The following GABRG3 variants were observed in gnomAD, a reference collection of about 807,000 sequenced individuals.
GABRG3 encodes the protein gamma-aminobutyric acid receptor subunit gamma-3.
In GABRG3, 25 loss-of-function variants were observed where a neutral mutation model predicts 48.8. The observed-to-expected ratio is 0.51, with a 90% CI of 0.37 to 0.72. The LOEUF (loss-of-function observed/expected upper bound fraction) is 0.72. Among genes scored for constraint, GABRG3 ranks in the 30% least tolerant of loss-of-function variants. The pLI is 0.00. For synonymous variants in GABRG3, 227 were observed against 217.6 expected (o/e 1.04, Z -0.38); for missense variants, 394 against 577.9 (o/e 0.68, Z 3.26).
intron 3 of GABRG3, among the ~76,000 whole-genome samples, chr15:27,198,872 A>G (rs558111033): frequency 3.7e-4 from 56 of 152,278 alleles, no homozygotes; most frequent in African/African-American, 1.3e-3. Flanking sequence ...GGAAACCATC[A>G]TTCTCAGCAA....
chr15:27,067,196 G>A (rs1896752601), intron 3 of GABRG3, among the ~76,000 whole-genome samples: 1 of 152,104 alleles, frequency 6.6e-6, no homozygotes, highest in Admixed American at 6.5e-5. Flanking sequence ...GTGAAGACGT[G>A]GCACTCCAGG....
intron 3 of GABRG3, among the ~76,000 whole-genome samples, chr15:27,272,747 T>C (rs1891130578): frequency 6.6e-6 from 1 of 152,160 alleles, no homozygotes; most frequent in African/African-American, 2.4e-5. Context: ...GCTTGTTTTA[T>C]TTTTTTCCTT....
At chr15:27,112,355 A>G (rs903541152) in intron 3 of GABRG3, among the ~76,000 whole-genome samples, 7 of 151,872 alleles carry the variant, frequency 4.6e-5, no homozygotes, top group Non-Finnish European at 4.4e-5. Flanking sequence ...CTCTCAATAT[A>G]TGTATGCGCA....
intron 3 of GABRG3, among the ~76,000 whole-genome samples, chr15:27,036,362 C>A (rs1170612662): frequency 6.6e-6 from 1 of 152,108 alleles, no homozygotes; most frequent in Non-Finnish European, 1.5e-5. Flanking sequence ...GAAGCCTATG[C>A]AAGGTAGTAA....
intron 3 of GABRG3, among the ~76,000 whole-genome samples, chr15:27,034,131 A>G (rs1244274453): frequency 1.3e-5 from 2 of 152,152 alleles, no homozygotes; most frequent in East Asian, 1.9e-4. Context: ...TACACAACTT[A>G]CCCTGTATGA....
intron 3 of GABRG3, among the ~76,000 whole-genome samples, chr15:27,233,563 A>G (rs1283586163): frequency 6.6e-6 from 1 of 152,030 alleles, no homozygotes; most frequent in African/African-American, 2.4e-5. Context: ...TCCTCTCTTC[A>G]TGAGGCACTA....
At chr15:27,240,254 C>A (rs1013207128) in intron 3 of GABRG3, among the ~76,000 whole-genome samples, 1 of 152,092 alleles carries the variant, frequency 6.6e-6, no homozygotes, top group Non-Finnish European at 1.5e-5. Flanking sequence ...GTGAAAGCAG[C>A]AGGTGTGGTC....
chr15:27,310,623 A>G (rs1595667680), intron 3 of GABRG3, among the ~76,000 whole-genome samples: 1 of 152,174 alleles, frequency 6.6e-6, no homozygotes, highest in Non-Finnish European at 1.5e-5. Flanking sequence ...AAAACTTACA[A>G]CCTGATCCTA....
At chr15:27,195,512 A>G (rs1220334709) in intron 3 of GABRG3, among the ~76,000 whole-genome samples, 1 of 151,504 alleles carries the variant, frequency 6.6e-6, no homozygotes, top group African/African-American at 2.4e-5. Flanking sequence ...TTGTATTTTT[A>G]GTAGAGACAG....
chr15:27,434,920 A>C (rs75592070), intron 5 of GABRG3, among the ~76,000 whole-genome samples: 382 of 152,258 alleles, frequency 2.5e-3, no homozygotes, highest in African/African-American at 8.9e-3. Flanking sequence ...CATTTACTTC[A>C]GTTTCCTTCC....
intron 5 of GABRG3, among the ~76,000 whole-genome samples, chr15:27,415,479 T>A (rs1295205586): frequency 6.6e-6 from 1 of 152,122 alleles, no homozygotes; most frequent in African/African-American, 2.4e-5. Context: ...ATATTCATCA[T>A]TGTAGTTTTA....
At chr15:27,156,096 G>A (rs541206465) in intron 3 of GABRG3, among the ~76,000 whole-genome samples, 1 of 151,946 alleles carries the variant, frequency 6.6e-6, no homozygotes, top group East Asian at 1.9e-4. Flanking sequence ...TCAAGAGATC[G>A]AGACCATCCT....
intron 6 of GABRG3, among the ~76,000 whole-genome samples, chr15:27,487,978 C>T (rs1331574601): frequency 1.3e-5 from 2 of 152,128 alleles, no homozygotes; most frequent in Non-Finnish European, 2.9e-5. Flanking sequence ...TCATGAAATG[C>T]GAGGGCGAGC....
intron 5 of GABRG3, among the ~76,000 whole-genome samples, chr15:27,367,626 A>C (rs934671390): frequency 1.3e-5 from 2 of 152,204 alleles, no homozygotes; most frequent in Non-Finnish European, 2.9e-5. Flanking sequence ...AACCTTTGAA[A>C]TCTTTCAGAT....
At chr15:27,299,652 G>A (rs765977453) in intron 3 of GABRG3, among the ~76,000 whole-genome samples, 3 of 152,090 alleles carry the variant, frequency 2.0e-5, no homozygotes, top group Admixed American at 6.6e-5. Context: ...TTCCACTCAG[G>A]TGATGGCTGT....
intron 5 of GABRG3, chr15:27,340,708 T>G (rs1595689045): frequency 1.3e-5 from 2 of 154,092 alleles, no homozygotes; most frequent in Admixed American, 1.3e-4. Context: ...TCTAATCACA[T>G]GGTTATCACC....
intron 3 of GABRG3, among the ~76,000 whole-genome samples, chr15:27,219,048 C>G (rs538541370): frequency 1.3e-5 from 2 of 152,180 alleles, no homozygotes; most frequent in Non-Finnish European, 2.9e-5. Context: ...TGGAACCACG[C>G]GTGCTCTGAC....
At position 27,279,252 on chromosome 15, in the gene GABRG3, G is replaced by T. The variant is rs147334991; in HGVS notation, c.271-47557G>T. On this transcript the variant is annotated intron_variant, in intron 3 of 9. Coordinates refer to ENST00000615808, the MANE Select transcript of GABRG3 (RefSeq NM_033223.5). ...TCTTAACAGGGTTTTGGAGAGCAAAGATTTTAAATTTTGAAGTCCTGATTT... is the reference window on the plus strand; with the variant it reads ...TCTTAACAGGGTTTTGGAGAGCAAATATTTTAAATTTTGAAGTCCTGATTT... Among the ~76,000 whole-genome samples the T allele has an allele frequency of 3.2e-4, 49 of 152,264 alleles. No homozygotes were observed. In the East Asian group the frequency reaches 7.5e-3, roughly 23 times the overall value.
At chr15:27,507,095 T>C (rs1227338550) in intron 6 of GABRG3, among the ~76,000 whole-genome samples, 1 of 152,198 alleles carries the variant, frequency 6.6e-6, no homozygotes, top group Non-Finnish European at 1.5e-5. Flanking sequence ...CCTACAAATG[T>C]GTTGTTTAAT....
Sources: gnomAD v4.1 joint callset for allele counts (sites outside exome capture counted in the v4.1 genomes callset) on GRCh38, gnomAD v4.1.1 for gene constraint, MANE v1.5 for transcripts, NCBI Gene and HGNC (gene_info 2026-07-23, HGNC 2026-07-21) for gene names.